The following UVRAG variants were observed in gnomAD, a reference collection of about 807,000 sequenced individuals.
The protein encoded by UVRAG is UV radiation resistance-associated gene protein.
UVRAG carries 19 observed loss-of-function variants against 78.0 expected under a neutral mutation model. The observed-to-expected ratio is 0.24, with a 90% CI of 0.17 to 0.36. The LOEUF (loss-of-function observed/expected upper bound fraction) is 0.36, where lower values mean the gene tolerates loss of function less well. Among genes scored for constraint, UVRAG ranks in the 10% least tolerant of loss-of-function variants. The pLI, the probability that UVRAG is intolerant of heterozygous loss-of-function variation, is 1.00. For missense variants in UVRAG, 740 were observed against 853.8 expected, an observed-to-expected ratio of 0.87 and a Z score of 1.66; for synonymous variants, 323 against 324.6, an observed-to-expected ratio of 1.00 and a Z score of 0.05.
chr11:76,081,587 T>C (rs950342887), intron 13 of UVRAG, among the ~76,000 whole-genome samples: 1 of 152,116 alleles, frequency 6.6e-6, no homozygotes, highest in African/African-American at 2.4e-5. Context: ...TTCATTTCCT[T>C]CTAACAGTAA....
intron 6 of UVRAG, among the ~76,000 whole-genome samples, chr11:75,955,606 T>G (rs1948779817): frequency 6.6e-6 from 1 of 152,148 alleles, no homozygotes; most frequent in Non-Finnish European, 1.5e-5. Flanking sequence ...CTTACCCTAA[T>G]CAAGACATCA....
At chr11:76,014,822 G>A (rs1013872143) in intron 11 of UVRAG, among the ~76,000 whole-genome samples, 3 of 152,184 alleles carry the variant, frequency 2.0e-5, no homozygotes, top group Non-Finnish European at 4.4e-5. Flanking sequence ...AATTTATAAT[G>A]TAACAAATTT....
At chr11:75,863,718 C>T (rs1425979284) in intron 3 of UVRAG, among the ~76,000 whole-genome samples, 1 of 152,122 alleles carries the variant, frequency 6.6e-6, no homozygotes, top group Non-Finnish European at 1.5e-5. Context: ...ATATTGTCTC[C>T]AAAGAATACT....
In UVRAG at chr11:76,141,475, A is replaced by C; in HGVS notation, c.*62A>C. ...CTGCCTAAAATGAAGTGAAAGCTGC[A>C]CTTAACCCTTTGTGATAATGATGAC... On this transcript the variant is annotated 3_prime_UTR_variant, in exon 15 of 15. Coordinates refer to ENST00000356136, the MANE Select transcript of UVRAG (RefSeq NM_003369.4). The C allele has an allele frequency of 6.9e-7, 1 of 1,459,490 alleles. No individual in the cohort carries two copies. The highest frequency in any genetic ancestry group is 2.3e-5 in the East Asian group (1 of 43,852). The allele number at this position is 1,459,490 out of a possible 1,614,324, so 90.4% of individuals were successfully genotyped here.
intron 6 of UVRAG, among the ~76,000 whole-genome samples, chr11:75,947,370 G>A (rs548071608): frequency 3.9e-5 from 6 of 152,284 alleles, no homozygotes; most frequent in South Asian, 4.1e-4. Flanking sequence ...AGGGGATTAT[G>A]CAGAGAATGG....
In UVRAG at chr11:76,106,314, G is replaced by T. The variant is rs145552557; in HGVS notation, c.1306-9610G>T. On this transcript the variant is annotated intron_variant, in intron 13 of 14. Coordinates refer to ENST00000356136, the MANE Select transcript of UVRAG (RefSeq NM_003369.4). Reference sequence around the variant, plus strand: ...ATTAGACTGTAATCTTGATCTGAGTGTATAGTTCTTTGCACCAAGATTGCA... The same window carrying T: ...ATTAGACTGTAATCTTGATCTGAGTTTATAGTTCTTTGCACCAAGATTGCA... 3.5e-3 allele frequency among the ~76,000 whole-genome samples: 529 copies of T among 152,158 alleles called. 3 individuals are homozygous for T. The highest frequency in any genetic ancestry group is 0.013 in the African/African-American group (520 of 41,538).
chr11:75,932,410 G>A (rs571184323), intron 6 of UVRAG, among the ~76,000 whole-genome samples: 4 of 151,788 alleles, frequency 2.6e-5, no homozygotes, highest in Non-Finnish European at 4.4e-5. Flanking sequence ...TCAGCCTCCC[G>A]AATAGCTGGG....
chr11:76,014,760 CAG>C (rs1950117609), intron 11 of UVRAG, among the ~76,000 whole-genome samples: 1 of 152,158 alleles, frequency 6.6e-6, no homozygotes, highest in Non-Finnish European at 1.5e-5. Flanking sequence ...TTGGTAGCAT[CAG>C]AGTCAGTGAT....
intron 3 of UVRAG, among the ~76,000 whole-genome samples, chr11:75,871,628 A>T (rs981542163): frequency 2.6e-5 from 4 of 152,190 alleles, no homozygotes; most frequent in Admixed American, 6.5e-5. Context: ...AGATTCGTTC[A>T]TGTTGTATAT....
intron 10 of UVRAG, among the ~76,000 whole-genome samples, 155 bp downstream of exon 10, chr11:76,007,776 G>A (rs1421133829): frequency 6.6e-6 from 1 of 152,174 alleles, no homozygotes; most frequent in African/African-American, 2.4e-5. Context: ...CATAGATTTA[G>A]ACTTGTTTGG....
At chr11:75,948,514 A>G (rs1188245844) in intron 6 of UVRAG, among the ~76,000 whole-genome samples, 1 of 152,198 alleles carries the variant, frequency 6.6e-6, no homozygotes, top group African/African-American at 2.4e-5. Context: ...GTTCTGGAGC[A>G]CTGCAGTGAT....
chr11:75,920,544 C>T (rs2135064350), intron 6 of UVRAG, among the ~76,000 whole-genome samples: 1 of 152,062 alleles, frequency 6.6e-6, no homozygotes, highest in Admixed American at 6.5e-5. Flanking sequence ...TCTTCTCCTT[C>T]CCCTTTCCTT....
intron 2 of UVRAG, among the ~76,000 whole-genome samples, chr11:75,855,002 A>C (rs1946255893): frequency 6.6e-6 from 1 of 152,172 alleles, no homozygotes; most frequent in Non-Finnish European, 1.5e-5. Flanking sequence ...AGTAATTAAC[A>C]CCAGTACTTA....
In UVRAG at chr11:75,880,051, G is replaced by A. The variant is rs1301249424; in HGVS notation, c.432+11G>A. On this transcript the variant is annotated intron_variant, in intron 4 of 14. Coordinates refer to ENST00000356136, the MANE Select transcript of UVRAG (RefSeq NM_003369.4). ...TACTTGGGTCAGCAGGTAATTTTTA[G>A]ACTGTAGTTTCAAGTAGTTGTCATC... 1 of 1,613,514 alleles carries A rather than the reference G, an allele frequency of 6.2e-7. No homozygotes were observed. Among genetic ancestry groups the A allele is most frequent in the African/African-American group, 1.3e-5 (1 of 75,040 alleles).
rs116933865 is a variant in UVRAG, at chr11:75,871,169, C to T, written c.271-8710C>T. On this transcript the variant is annotated intron_variant, in intron 3 of 14. Coordinates refer to ENST00000356136, the MANE Select transcript of UVRAG (RefSeq NM_003369.4). ...GATTACAAGCATGCGCCCCTGCGCCCGGCCTATCTCTTGCTTTTCAGTCAC... is the reference window on the plus strand; with the variant it reads ...GATTACAAGCATGCGCCCCTGCGCCTGGCCTATCTCTTGCTTTTCAGTCAC... Among the ~76,000 whole-genome samples, 125 of 152,160 alleles carry T rather than the reference C, an allele frequency of 8.2e-4. 3 individuals are homozygous for T. In the East Asian group the frequency reaches 0.02, roughly 25 times the overall value.
intron 12 of UVRAG, among the ~76,000 whole-genome samples, chr11:76,031,729 C>A (rs1356514641): frequency 1.3e-5 from 2 of 152,078 alleles, no homozygotes; most frequent in East Asian, 3.9e-4. Flanking sequence ...GCTGGGGGGA[C>A]TGGACAGAGG....
chr11:75,996,057 A>T (rs866280556), intron 8 of UVRAG, among the ~76,000 whole-genome samples: 1 of 152,116 alleles, frequency 6.6e-6, no homozygotes, highest in East Asian at 1.9e-4. Context: ...TTCAGTTTCC[A>T]TGTAAGTATA....
intron 13 of UVRAG, among the ~76,000 whole-genome samples, chr11:76,108,342 C>T (rs893591657): frequency 7.9e-5 from 12 of 152,168 alleles, no homozygotes; most frequent in Non-Finnish European, 1.6e-4. Flanking sequence ...AATTAAACCT[C>T]TCAGCTCAAT....
chr11:75,900,984 C>T (rs951792028), intron 5 of UVRAG, among the ~76,000 whole-genome samples: 3 of 152,154 alleles, frequency 2.0e-5, no homozygotes, highest in African/African-American at 7.2e-5. Flanking sequence ...GAAGAGGTCT[C>T]ACCTTTCCTC....
Sources: gnomAD v4.1 joint callset for allele counts (sites outside exome capture counted in the v4.1 genomes callset) on GRCh38, gnomAD v4.1.1 for gene constraint, MANE v1.5 for transcripts, NCBI Gene and HGNC (gene_info 2026-07-23, HGNC 2026-07-21) for gene names.